The following XIRP2 variants were observed in gnomAD, a reference collection of about 807,000 sequenced individuals.
XIRP2 encodes the protein xin actin-binding repeat-containing protein 2.
XIRP2 carries 236 observed loss-of-function variants against 277.0 expected under a neutral mutation model. The observed-to-expected ratio is 0.85, with a 90% CI of 0.77 to 0.95. XIRP2 has a LOEUF of 0.95. Ranked by LOEUF, XIRP2 falls within the 40% of genes least tolerant of loss-of-function variation. The probability of loss-of-function intolerance (pLI) is 0.00; values close to 1 mark genes in which losing one functional copy is unlikely to be tolerated. For synonymous variants in XIRP2, 1,490 were observed against 1,416.5 expected, an observed-to-expected ratio of 1.05 and a Z score of -1.17; for missense variants, 4,640 against 4,157.5, an observed-to-expected ratio of 1.12 and a Z score of -3.19.
chr2:166,948,648 A>C (rs887207781), intron 2 of XIRP2, among the ~76,000 whole-genome samples: 3 of 152,044 alleles, frequency 2.0e-5, no homozygotes, highest in Non-Finnish European at 4.4e-5. Flanking sequence ...GTTTTGTCTA[A>C]CTCTAATATC....
chr2:167,107,075 G>A (rs566313604), intron 2 of XIRP2, among the ~76,000 whole-genome samples: 5 of 151,616 alleles, frequency 3.3e-5, no homozygotes, highest in African/African-American at 1.2e-4. Flanking sequence ...TAGGTTATTT[G>A]AAATTTTCCA....
At chr2:166,907,475 G>A (rs1173511894) in intron 2 of XIRP2, among the ~76,000 whole-genome samples, 2 of 152,150 alleles carry the variant, frequency 1.3e-5, no homozygotes, top group African/African-American at 2.4e-5. Context: ...CTTGTCTGAT[G>A]TCACTCATGT....
chr2:166,979,490 A>G (rs1281654239), intron 2 of XIRP2, among the ~76,000 whole-genome samples: 13 of 149,752 alleles, frequency 8.7e-5, no homozygotes, highest in Admixed American at 7.3e-4. Context: ...ATATATCACC[A>G]TTAAGTAAGA....
chr2:167,249,229 G>A lies in XIRP2; in HGVS notation c.7837G>A (p.Gly2613Ser), dbSNP rs1695388160. The change falls in exon 9 of 11, where the codon GGC becomes AGC. Residue 2613 changes from glycine (G) to serine (S), a missense_variant. Transcript: ENST00000409195. ...ATGCACTGTGGTTCAACCCAGCCCA[G>A]GCTCTCAAAGTAATGCTCGGATACT... ...SECTVVQPSP[G>S]SQSNARILGV... 1 of 1,613,656 alleles carries A rather than the reference G, an allele frequency of 6.2e-7. No individual in the cohort carries two copies.
At chr2:167,113,891 C>G (rs191123693) in intron 2 of XIRP2, among the ~76,000 whole-genome samples, 2 of 152,274 alleles carry the variant, frequency 1.3e-5, no homozygotes, top group African/African-American at 4.8e-5. Context: ...TTCTCCTTCA[C>G]TTATGAAGCT....
intron 2 of XIRP2, among the ~76,000 whole-genome samples, chr2:167,010,391 G>A (rs866973298): frequency 1.4e-3 from 212 of 151,254 alleles, no homozygotes; most frequent in Admixed American, 2.8e-3. Context: ...GATATGTGGC[G>A]TTATTTCTGA....
At chr2:167,110,344 T>A (rs1690719589) in intron 2 of XIRP2, among the ~76,000 whole-genome samples, 1 of 152,220 alleles carries the variant, frequency 6.6e-6, no homozygotes, top group Non-Finnish European at 1.5e-5. Flanking sequence ...TTGATTTTTG[T>A]ATGTAGTATA....
intron 1 of XIRP2, among the ~76,000 whole-genome samples, chr2:166,898,644 A>G (rs966335067): frequency 3.3e-5 from 5 of 152,096 alleles, no homozygotes; most frequent in Non-Finnish European, 5.9e-5. Context: ...AATCGACGCC[A>G]TATACACTAA....
chr2:167,054,713 G>A (rs141079803), intron 2 of XIRP2, among the ~76,000 whole-genome samples: 56 of 151,518 alleles, frequency 3.7e-4, no homozygotes, highest in Non-Finnish European at 6.3e-4. Flanking sequence ...AAGGAAACAG[G>A]GCCAGTTTCT....
intron 5 of XIRP2, among the ~76,000 whole-genome samples, chr2:167,228,783 G>A (rs978249874): frequency 4.6e-5 from 7 of 152,066 alleles, no homozygotes; most frequent in African/African-American, 1.7e-4. Flanking sequence ...TTCCAAAATA[G>A]GATTTGTAGG....
chr2:167,050,811 A>ATT (rs79052277), intron 2 of XIRP2, among the ~76,000 whole-genome samples: 1 of 148,492 alleles, frequency 6.7e-6, no homozygotes, highest in African/African-American at 2.5e-5. Context: ...CTGCTGGCAC[A>ATT]TTTTTTTTTT....
intron 2 of XIRP2, among the ~76,000 whole-genome samples, chr2:167,062,756 A>G (rs964417818): frequency 3.9e-5 from 6 of 151,990 alleles, no homozygotes; most frequent in Admixed American, 3.3e-4. Flanking sequence ...GTGACATTAC[A>G]TCTAACTTGA....
Position 167,150,321 on chromosome 2 carries a change from T to C in XIRP2, c.562+14259T>C, listed in dbSNP as rs200773756. 5.9e-5 allele frequency among the ~76,000 whole-genome samples: 9 copies of C among 152,052 alleles called. No individual in the cohort carries two copies. In the East Asian group the frequency reaches 1.7e-3, roughly 29 times the overall value. Reference sequence around the variant, plus strand: ...GTTGTTGGTGGTAGTATAAAAATTGTATGATCACATGAGGAGACATTTTAA... The same window carrying C: ...GTTGTTGGTGGTAGTATAAAAATTGCATGATCACATGAGGAGACATTTTAA... On this transcript the variant is annotated intron_variant, in intron 3 of 10. Transcript: ENST00000409195.
At chr2:167,060,249 A>C (rs1220130058) in intron 2 of XIRP2, among the ~76,000 whole-genome samples, 1 of 152,228 alleles carries the variant, frequency 6.6e-6, no homozygotes, top group Non-Finnish European at 1.5e-5. Flanking sequence ...AAATAGGGTT[A>C]CATGAGATAG....
At chr2:166,954,011 A>T (rs1686101070) in intron 2 of XIRP2, among the ~76,000 whole-genome samples, 1 of 151,918 alleles carries the variant, frequency 6.6e-6, no homozygotes, top group Non-Finnish European at 1.5e-5. Context: ...GTTACATTTT[A>T]TTTTTTGATT....
rs184572147 is a variant in XIRP2 at position 166,937,817 on chromosome 2, G to T, written c.408+33927G>T. 7.7e-4 allele frequency among the ~76,000 whole-genome samples: 118 copies of T among 152,310 alleles called. 1 individual carries two copies. The East Asian group carries it at 0.022, about 28-fold the overall frequency. On this transcript the variant is annotated intron_variant, in intron 2 of 10. Transcript: ENST00000409195. Reference sequence around the variant, plus strand: ...AGAGATTCAACTTATTCCTGGTTTAGTGTTGGGAGGGTGTATGTGTTGAGG... The same window carrying T: ...AGAGATTCAACTTATTCCTGGTTTATTGTTGGGAGGGTGTATGTGTTGAGG...
intron 2 of XIRP2, among the ~76,000 whole-genome samples, chr2:166,932,191 A>T (rs1426800503): frequency 1.3e-5 from 2 of 149,032 alleles, no homozygotes; most frequent in East Asian, 3.9e-4. Context: ...TGTGACTTAC[A>T]TGTATACACA....
At chr2:167,103,532 C>T (rs975243416) in intron 2 of XIRP2, among the ~76,000 whole-genome samples, 6 of 152,066 alleles carry the variant, frequency 3.9e-5, no homozygotes, top group Non-Finnish European at 8.8e-5. Flanking sequence ...CACCATTGTT[C>T]CAGGAATTTA....
At chr2:167,170,104 G>A (rs1233327163) in intron 3 of XIRP2, among the ~76,000 whole-genome samples, 1 of 152,058 alleles carries the variant, frequency 6.6e-6, no homozygotes. Context: ...TCATAAGTGA[G>A]TATTGAATGC....
Sources: allele counts gnomAD v4.1 joint callset (sites outside exome capture counted in the v4.1 genomes callset), GRCh38; gene constraint gnomAD v4.1.1; transcripts MANE v1.5; gene names NCBI Gene and HGNC (gene_info 2026-07-23, HGNC 2026-07-21).